Variants in ITPR2 observed in about 807,000 individuals in gnomAD.
ITPR2 encodes the protein inositol 1,4,5-trisphosphate receptor type 2.
Under a neutral mutation model 317.1 loss-of-function variants are expected in ITPR2, and 207 were observed. The observed-to-expected ratio is 0.65, with a 90% CI of 0.58 to 0.73. The LOEUF (loss-of-function observed/expected upper bound fraction) is 0.73. Among genes scored for constraint, ITPR2 ranks in the 30% least tolerant of loss-of-function variants. ITPR2 has a pLI of 0.00. For missense variants in ITPR2, 2,613 were observed against 3,284.0 expected (o/e 0.80, Z 4.99); for synonymous variants, 1,156 against 1,149.1 (o/e 1.01, Z -0.12).
Position 26,784,595 on chromosome 12 carries a change from C to T in ITPR2, c.163+5562G>A, listed in dbSNP as rs990773656. Among the ~76,000 whole-genome samples the T allele has an allele frequency of 6.6e-5, 10 of 151,914 alleles. No individual in the cohort carries two copies. The East Asian group carries it at 1.2e-3, about 18-fold the overall frequency. On this transcript the variant is annotated intron_variant, in intron 2 of 56. Coordinates refer to ENST00000381340, the MANE Select transcript of ITPR2 (RefSeq NM_002223.4). ...CTAACCGCGAGTGATCCGCCAGCCT[C>T]GGCCTCCCGAGGTGCCGGGATTGCA...
intron 37 of ITPR2, among the ~76,000 whole-genome samples, chr12:26,516,137 AAAGAAAAGACG>A (rs898038959): frequency 2.8e-5 from 4 of 141,308 alleles, no homozygotes; most frequent in African/African-American, 1.0e-4. Flanking sequence ...AGAAAAAAGA[AAAGAAAAGACG>A]AAGAAAAGAG....
At chr12:26,816,162 C>T (rs1236348296) in intron 1 of ITPR2, among the ~76,000 whole-genome samples, 3 of 139,600 alleles carry the variant, frequency 2.1e-5, no homozygotes, top group East Asian at 4.5e-4. Flanking sequence ...AACTTTTTAA[C>T]ATCAATGTAA....
At chr12:26,654,468 C>T (rs768604465) in intron 20 of ITPR2, among the ~76,000 whole-genome samples, 13 of 152,152 alleles carry the variant, frequency 8.5e-5, no homozygotes, top group African/African-American at 1.2e-4. Flanking sequence ...TAATAAATGG[C>T]TATTATCCAA....
intron 9 of ITPR2, among the ~76,000 whole-genome samples, chr12:26,708,860 C>T (rs913320309): frequency 9.2e-5 from 14 of 152,218 alleles, no homozygotes; most frequent in African/African-American, 3.4e-4. Context: ...ATCAAGACAT[C>T]ACACGTGCCC....
chr12:26,548,671 A>G lies in ITPR2; in HGVS notation c.5073+1576T>C, dbSNP rs549714285. ...GGGCTATGTGCTGGGGGTGTCCTTTACATCACATCTTGCATAAATGGGGAC... is the reference window on the plus strand; with the variant it reads ...GGGCTATGTGCTGGGGGTGTCCTTTGCATCACATCTTGCATAAATGGGGAC... On this transcript the variant is annotated intron_variant, in intron 37 of 56. Transcript: ENST00000381340. Among the ~76,000 whole-genome samples the G allele has an allele frequency of 1.3e-5, 2 of 152,244 alleles. 1 individual carries two copies. Among genetic ancestry groups the G allele is most frequent in the African/African-American group, 4.8e-5 (2 of 41,536 alleles).
At chr12:26,391,555 CCTTTTTTTTTTTTT>C (rs1476828336) in intron 54 of ITPR2, among the ~76,000 whole-genome samples, 11 of 70,854 alleles carry the variant, frequency 1.6e-4, no homozygotes, top group South Asian at 5.8e-4. Flanking sequence ...TTCTTCTTTT[CCTTTTTTTTTTTTT>C]TTTTTTTTTT....
In ITPR2 at chr12:26,808,556, T is replaced by G. The variant is rs113171812; in HGVS notation, c.93-18329A>C. On this transcript the variant is annotated intron_variant, in intron 1 of 56. Coordinates refer to ENST00000381340, the MANE Select transcript of ITPR2 (RefSeq NM_002223.4). Reference sequence around the variant, plus strand: ...CAAATCTACAGCTTAAATTTTAATGTTAGAGCCATTATTGCATGTTAGCAC... The same window carrying G: ...CAAATCTACAGCTTAAATTTTAATGGTAGAGCCATTATTGCATGTTAGCAC... 1.4e-3 allele frequency among the ~76,000 whole-genome samples: 208 copies of G among 152,300 alleles called. 2 individuals carry two copies. Among genetic ancestry groups the G allele is most frequent in the African/African-American group, 4.7e-3 (194 of 41,572 alleles).
Position 26,529,712 on chromosome 12 carries a change from G to C in ITPR2, c.5073+20535C>G, listed in dbSNP as rs147469694. ...CTTCAGTTTTTCCATCTGTAAAATGGACACTGGAATGTGAGGATTAAATCT... is the reference window on the plus strand; with the variant it reads ...CTTCAGTTTTTCCATCTGTAAAATGCACACTGGAATGTGAGGATTAAATCT... On this transcript the variant is annotated intron_variant, in intron 37 of 56. Transcript: ENST00000381340. Among the ~76,000 whole-genome samples the C allele has an allele frequency of 6.6e-3, 1,010 of 152,284 alleles. 7 individuals carry two copies. Among genetic ancestry groups the C allele is most frequent in the Admixed American group, 0.011 (164 of 15,292 alleles).
intron 2 of ITPR2, among the ~76,000 whole-genome samples, chr12:26,742,360 G>C (rs575983756): frequency 2.2e-4 from 34 of 152,336 alleles, no homozygotes; most frequent in African/African-American, 7.7e-4. Context: ...AGCCACAACA[G>C]AGTATGACGG....
At chr12:26,609,810 T>C (rs1946223394) in intron 26 of ITPR2, among the ~76,000 whole-genome samples, 1 of 152,190 alleles carries the variant, frequency 6.6e-6, no homozygotes, top group African/African-American at 2.4e-5. Context: ...TTTAAGAATT[T>C]ATATTATAAC....
At chr12:26,459,697 C>G (rs964875663) in intron 45 of ITPR2, among the ~76,000 whole-genome samples, 2 of 152,192 alleles carry the variant, frequency 1.3e-5, no homozygotes, top group African/African-American at 4.8e-5. Flanking sequence ...CAGGATTCAA[C>G]TCTTGAACTT....
rs1555190866 is a variant in ITPR2 at position 26,782,070 on chromosome 12, A to AGCGAGC, written c.163+8086_163+8087insGCTCGC. Among the ~76,000 whole-genome samples, 271 of 122,642 alleles carry AGCGAGC rather than the reference A, an allele frequency of 2.2e-3. 6 individuals are homozygous for AGCGAGC. Among genetic ancestry groups the AGCGAGC allele is most frequent in the African/African-American group, 7.3e-3 (236 of 32,154 alleles). The allele number at this position is 122,642 out of a possible 152,430, so 80.5% of individuals were successfully genotyped here. ...GAGAGAGAGAGAGAGAGAGAGAGAG[A>AGCGAGC]GAGCGAGAGAGATCCTATTAGTTCT... On this transcript the variant is annotated intron_variant, in intron 2 of 56. Transcript: ENST00000381340.
At chr12:26,675,321 G>C (rs1477576566) in intron 13 of ITPR2, among the ~76,000 whole-genome samples, 3 of 152,190 alleles carry the variant, frequency 2.0e-5, no homozygotes, top group Non-Finnish European at 4.4e-5. Context: ...TGATAGACTG[G>C]ATTAAGAAAA....
At chr12:26,620,427 G>A (rs1473149239) in intron 26 of ITPR2, among the ~76,000 whole-genome samples, 1 of 152,178 alleles carries the variant, frequency 6.6e-6, no homozygotes, top group Admixed American at 6.5e-5. Flanking sequence ...TATGCCTGCA[G>A]ATTAAAAAAC....
At chr12:26,655,000 T>C (rs939668697) in intron 20 of ITPR2, among the ~76,000 whole-genome samples, 1 of 152,240 alleles carries the variant, frequency 6.6e-6, no homozygotes, top group Non-Finnish European at 1.5e-5. Flanking sequence ...TGCTTCAGGC[T>C]GCAAGTTTTG....
intron 34 of ITPR2, among the ~76,000 whole-genome samples, chr12:26,563,305 C>A (rs1227651230): frequency 6.6e-6 from 1 of 152,222 alleles, no homozygotes; most frequent in African/African-American, 2.4e-5. Flanking sequence ...GGTGTGTTGG[C>A]TCACGCCTGT....
Position 26,336,568 on chromosome 12 carries a change from A to ATT in ITPR2, c.*2827_*2828dup, listed in dbSNP as rs1380364411. 6.6e-6 allele frequency: 1 copy of ATT among 152,186 alleles called. No homozygotes were observed. The allele number at this position is 152,186 out of a possible 1,614,324, so 9.4% of individuals were successfully genotyped here. On this transcript the variant is annotated 3_prime_UTR_variant, in exon 57 of 57. Transcript: ENST00000381340. ...TATTATAGCCCTGTATGATACAAGC[A>ATT]TTTTCTCATCTAAAAGTGTTATTTT...
intron 37 of ITPR2, among the ~76,000 whole-genome samples, chr12:26,512,468 C>A (rs1412334802): frequency 1.3e-5 from 2 of 152,198 alleles, no homozygotes; most frequent in Non-Finnish European, 2.9e-5. Flanking sequence ...TATTTCTCTA[C>A]CCACCCCCCA....
chr12:26,675,204 C>T (rs1337593658), intron 13 of ITPR2, among the ~76,000 whole-genome samples: 2 of 152,068 alleles, frequency 1.3e-5, no homozygotes, highest in Non-Finnish European at 2.9e-5. Flanking sequence ...TGGGTATATA[C>T]CCAAAGGACT....
Sources: allele counts gnomAD v4.1 joint callset (sites outside exome capture counted in the v4.1 genomes callset), GRCh38; gene constraint gnomAD v4.1.1; transcripts MANE v1.5; gene names NCBI Gene and HGNC (gene_info 2026-07-23, HGNC 2026-07-21).